CASP5: variants seen among roughly 807,000 people sequenced by gnomAD.
CASP5 encodes caspase-5.
Under a neutral mutation model 45.2 loss-of-function variants are expected in CASP5, and 42 were observed. That is an observed-to-expected ratio of 0.93 (90% confidence interval 0.73 to 1.20). The LOEUF (loss-of-function observed/expected upper bound fraction) is 1.20. CASP5 is among the 50% of genes most tolerant of loss of function. The pLI is 0.00. For missense variants in CASP5, 512 were observed against 532.2 expected (o/e 0.96, Z 0.37); for synonymous variants, 209 against 186.2 (o/e 1.12, Z -1.00).
chr11:105,008,207 C>T (rs569962539), intron 2 of CASP5, among the ~76,000 whole-genome samples: 1 of 151,984 alleles, frequency 6.6e-6, no homozygotes, highest in Non-Finnish European at 1.5e-5. Flanking sequence ...AAAGTTGGAA[C>T]AAATTTGTTT....
At chr11:105,020,041 A>G (rs1380714031) in intron 1 of CASP5, among the ~76,000 whole-genome samples, 5 of 145,606 alleles carry the variant, frequency 3.4e-5, no homozygotes, top group African/African-American at 9.9e-5. Context: ...TATAAACAGA[A>G]CCAAAGACAA....
Position 105,008,754 on chromosome 11 carries a change from T to A in CASP5, c.181+53A>T, listed in dbSNP as rs1591165853. 10 of 1,315,800 alleles carry A rather than the reference T, an allele frequency of 7.6e-6. No homozygotes were observed. The East Asian group carries it at 2.3e-4, about 31-fold the overall frequency. 81.5% of individuals were successfully genotyped at this position (1,315,800 alleles called of 1,614,324 possible). A position where few individuals can be genotyped will look rare whatever the true frequency, so the allele number is the denominator to read the frequency against. ...AGAAGTCACTGCATGGGACTTATAA[T>A]TGAACAGATTCTAAAAAATTGGAAA... On this transcript the variant is annotated intron_variant, in intron 2 of 9. Coordinates refer to ENST00000260315, the MANE Select transcript of CASP5 (RefSeq NM_004347.5).
intron 7 of CASP5, among the ~76,000 whole-genome samples, chr11:104,998,207 T>C (rs918841786): frequency 3.3e-5 from 5 of 152,314 alleles, no homozygotes; most frequent in East Asian, 1.9e-4. Flanking sequence ...TCCAAACTTA[T>C]TGAGTTGCAT....
chr11:105,009,741 A>ACG (rs1341863592), intron 1 of CASP5, among the ~76,000 whole-genome samples: 4,945 of 73,812 alleles, frequency 0.067, 447 homozygotes, highest in African/African-American at 0.26. Flanking sequence ...ATATATATAT[A>ACG]TATATATATA....
rs533335201 is a variant in CASP5 at position 105,013,790 on chromosome 11, C to T, written c.8-4810G>A. 2.5e-3 allele frequency among the ~76,000 whole-genome samples: 379 copies of T among 152,116 alleles called. 3 individuals carry two copies. Among genetic ancestry groups the T allele is most frequent in the African/African-American group, 8.6e-3 (355 of 41,514 alleles). ...TTGAACTGCTAATTTTCTTCTATTT[C>T]CATCCTTCATTTGCTCCTCCATATA... On this transcript the variant is annotated intron_variant, in intron 1 of 9. Transcript: ENST00000260315.
chr11:104,997,331 A>T (rs969928170), intron 8 of CASP5, 52 bp downstream of exon 8: 5 of 1,286,868 alleles, frequency 3.9e-6, no homozygotes, highest in Non-Finnish European at 5.7e-6. Flanking sequence ...AATAATGATA[A>T]ATTCTTTCTG....
At chr11:105,001,738 A>G (rs1394801033) in intron 5 of CASP5, among the ~76,000 whole-genome samples, 2 of 152,224 alleles carry the variant, frequency 1.3e-5, no homozygotes, top group Non-Finnish European at 2.9e-5. Context: ...TCTTGGGGCT[A>G]CATCCCAATC....
chr11:105,009,262 A>G (rs1281104887), intron 1 of CASP5, among the ~76,000 whole-genome samples: 1 of 151,780 alleles, frequency 6.6e-6, no homozygotes, highest in Non-Finnish European at 1.5e-5. Context: ...CTGGTCATCC[A>G]TTGTATTCAG....
intron 1 of CASP5, among the ~76,000 whole-genome samples, chr11:105,014,773 C>T (rs926598188): frequency 6.6e-6 from 1 of 152,110 alleles, no homozygotes; most frequent in African/African-American, 2.4e-5. Flanking sequence ...CATGTTCAAG[C>T]TTACAGTCAA....
chr11:104,995,626 C>A, intron 9 of CASP5, 114 bp downstream of exon 9: 1 of 632,626 alleles, frequency 1.6e-6, no homozygotes, highest in Non-Finnish European at 2.8e-6. Context: ...CAGACTACAT[C>A]AATAAAGAAC....
Position 105,007,165 on chromosome 11 carries a change from G to T in CASP5, c.351C>A (p.Asp117Glu), listed in dbSNP as rs1408583134. 6.2e-7 allele frequency: 1 copy of T among 1,613,612 alleles called. No homozygotes were observed. Among genetic ancestry groups the T allele is most frequent in the Non-Finnish European group, 8.5e-7 (1 of 1,179,674 alleles). ...GAGCCACGCGATTCTTTCGCAAAGAGTCTACCAAGATCAGGGCCTTGTCTT... is the reference window on the plus strand; with the variant it reads ...GAGCCACGCGATTCTTTCGCAAAGATTCTACCAAGATCAGGGCCTTGTCTT... ...KIEDKALILV[D>E]SLRKNRVAHQ... The change falls in exon 3 of 10, where the codon GAC (aspartate) becomes GAA (glutamate). Residue 117 changes from aspartate (D) to glutamate (E), a missense_variant. By Grantham distance (45) the Asp-to-Glu change is conservative (BLOSUM62 2). Coordinates refer to ENST00000260315, the MANE Select transcript of CASP5 (RefSeq NM_004347.5).
intron 2 of CASP5, among the ~76,000 whole-genome samples, chr11:105,008,464 A>G (rs938980560): frequency 6.6e-6 from 1 of 152,018 alleles, no homozygotes. Context: ...GGTAAGACTG[A>G]TGATTAGGGA....
At chr11:105,009,764 C>CACACGTATATATATATAT (rs1862201760) in intron 1 of CASP5, among the ~76,000 whole-genome samples, 1 of 73,138 alleles carries the variant, frequency 1.4e-5, no homozygotes, top group Non-Finnish European at 2.7e-5. Flanking sequence ...TATATACACA[C>CACACGTATATATATATAT]ACACACGTAT....
chr11:105,009,310 G>A (rs1179403152), intron 1 of CASP5, among the ~76,000 whole-genome samples: 5 of 151,904 alleles, frequency 3.3e-5, no homozygotes, highest in African/African-American at 9.6e-5. Context: ...TGACCTACCT[G>A]AAGTGTGTGC....
At position 104,998,862 on chromosome 11, in the gene CASP5, GACTGTT is replaced by G. The variant is rs1861589404; in HGVS notation, c.1096+17_1096+22del. On this transcript the variant is annotated intron_variant, in intron 7 of 9. Transcript: ENST00000260315. Reference sequence around the variant, plus strand: ...GTGGCCTCAGCACCCCCAAATTTTTGACTGTTACTAAAAGACACATACGTGGTGTTG... The same window carrying G: ...GTGGCCTCAGCACCCCCAAATTTTTGACTAAAAGACACATACGTGGTGTTG... 1 of 1,604,864 alleles carries G rather than the reference GACTGTT, an allele frequency of 6.2e-7. No individual in the cohort carries two copies. The highest frequency in any genetic ancestry group is 1.3e-5 in the African/African-American group (1 of 74,406).
At chr11:105,009,747 A>ACACACACACACACACG (rs1862193488) in intron 1 of CASP5, among the ~76,000 whole-genome samples, 2 of 76,656 alleles carry the variant, frequency 2.6e-5, no homozygotes, top group East Asian at 3.8e-4. Flanking sequence ...ATATATATAT[A>ACACACACACACACACG]TATATATATA....
At chr11:104,998,862 G>T (rs372140181) in intron 7 of CASP5, 23 bp downstream of exon 7, 17 of 1,604,864 alleles carry the variant, frequency 1.1e-5, no homozygotes, top group Non-Finnish European at 1.3e-5. Context: ...CCAAATTTTT[G>T]ACTGTTACTA....
chr11:105,019,924 C>A (rs11226589), intron 1 of CASP5, among the ~76,000 whole-genome samples: 1 of 141,802 alleles, frequency 7.1e-6, no homozygotes, highest in African/African-American at 2.5e-5. Flanking sequence ...ACTGGCAAAC[C>A]GAATCTAGCA....
At chr11:105,021,209 G>A (rs1023072888) in intron 1 of CASP5, among the ~76,000 whole-genome samples, 13 of 151,506 alleles carry the variant, frequency 8.6e-5, no homozygotes, top group African/African-American at 2.7e-4. Context: ...AAAAACCCTA[G>A]AAGAAAACCT....
Sources: allele counts gnomAD v4.1 joint callset (sites outside exome capture counted in the v4.1 genomes callset), GRCh38; gene constraint gnomAD v4.1.1; transcripts MANE v1.5; gene names NCBI Gene and HGNC (gene_info 2026-07-23, HGNC 2026-07-21).